The following ST6GALNAC6 variants were observed in gnomAD, a reference collection of about 807,000 sequenced individuals.
ST6GALNAC6 encodes the protein ST6 N-acetylgalactosaminide alpha-2,6-sialyltransferase 6.
Under a neutral mutation model 34.3 loss-of-function variants are expected in ST6GALNAC6, and 19 were observed. The ratio of observed to expected loss-of-function variants is 0.55; its 90% CI spans 0.39 to 0.81. The LOEUF (loss-of-function observed/expected upper bound fraction) is 0.81. Among genes scored for constraint, ST6GALNAC6 ranks in the 40% least tolerant of loss-of-function variants. The pLI is 0.00. For missense variants in ST6GALNAC6, 377 were observed against 467.7 expected (o/e 0.81, Z 1.79); for synonymous variants, 185 against 182.1 (o/e 1.02, Z -0.13).
chr9:127,889,657 C>G (rs1382245344), intron 5 of ST6GALNAC6, among the ~76,000 whole-genome samples: 4 of 151,926 alleles, frequency 2.6e-5, no homozygotes, highest in Non-Finnish European at 4.4e-5. Context: ...GCTGGCCAGG[C>G]TGGTCTCAAA....
In ST6GALNAC6 at chr9:127,886,484, T is replaced by C. The variant is rs764219388; in HGVS notation, c.*115A>G. ...GGATACATCCTCCTCAAGGCCCTGATTGGCTGGGAGACACTCCAGCAAGCC... is the reference window on the plus strand; with the variant it reads ...GGATACATCCTCCTCAAGGCCCTGACTGGCTGGGAGACACTCCAGCAAGCC... On this transcript the variant is annotated 3_prime_UTR_variant, in exon 7 of 7. Transcript: ENST00000373146. The C allele has an allele frequency of 1.3e-6, 2 of 1,490,738 alleles. No homozygotes were observed. The highest frequency in any genetic ancestry group is 1.8e-6 in the Non-Finnish European group (2 of 1,120,126). The allele number at this position is 1,490,738 out of a possible 1,614,324, so 92.3% of individuals were successfully genotyped here. A position where few individuals can be genotyped will look rare whatever the true frequency, so the allele number is the denominator to read the frequency against.
rs1362305985 is a variant in ST6GALNAC6, at chr9:127,894,702, G to A, written c.118-11C>T. 6.2e-7 allele frequency: 1 copy of A among 1,611,266 alleles called. No individual in the cohort carries two copies. The highest frequency in any genetic ancestry group is 1.3e-5 in the African/African-American group (1 of 74,550). On this transcript the variant is annotated splice_polypyrimidine_tract_variant and intron_variant, in intron 3 of 6. Coordinates refer to ENST00000373146, the MANE Select transcript of ST6GALNAC6 (RefSeq NM_013443.5). ...TGCTGACCGCTGCTCCTGGAGAGAG[G>A]AGAGGTCAGTGAGGGCCCAGCTGCC...
In ST6GALNAC6 at chr9:127,885,915, G is replaced by T. The variant is rs1282158836; in HGVS notation, c.*684C>A. 1 of 152,356 alleles carries T rather than the reference G, an allele frequency of 6.6e-6. No homozygotes were observed. Among genetic ancestry groups the T allele is most frequent in the East Asian group, 1.9e-4 (1 of 5,196 alleles). 9.4% of individuals were successfully genotyped at this position (152,356 alleles called of 1,614,324 possible). A position where few individuals can be genotyped will look rare whatever the true frequency, so the allele number is the denominator to read the frequency against. On this transcript the variant is annotated 3_prime_UTR_variant, in exon 7 of 7. Transcript: ENST00000373146. Reference sequence around the variant, plus strand: ...CCAGCAAGGGATAGTGGCTGGGAGGGTCCAGACGGGGAGGACAGACCCGAG... The same window carrying T: ...CCAGCAAGGGATAGTGGCTGGGAGGTTCCAGACGGGGAGGACAGACCCGAG...
At chr9:127,901,522 C>T (rs1027578372), upstream of ST6GALNAC6, among the ~76,000 whole-genome samples, 80 of 152,128 alleles carry the variant, frequency 5.3e-4, no homozygotes, top group African/African-American at 1.9e-3. Flanking sequence ...GCAGGAGAAT[C>T]GCTTGAACCT....
intron 2 of ST6GALNAC6, chr9:127,896,936 T>G (rs1292175590): frequency 1.0e-6 from 1 of 985,100 alleles, no homozygotes; most frequent in Non-Finnish European, 1.2e-6. Context: ...GGAATATCGC[T>G]GAATGAATTA....
At chr9:127,900,560 C>CAAA (rs71380101), upstream of ST6GALNAC6, among the ~76,000 whole-genome samples, 1,419 of 44,162 alleles carry the variant, frequency 0.032, 305 homozygotes, top group South Asian at 0.11. Flanking sequence ...AACTCCGTCT[C>CAAA]AAAAAAAAAA....
At chr9:127,897,930 G>A (rs1201614593) in intron 2 of ST6GALNAC6, 26 bp downstream of exon 2, 2 of 1,613,490 alleles carry the variant, frequency 1.2e-6, no homozygotes, top group Non-Finnish European at 1.7e-6. Context: ...TCAGCTGCCA[G>A]TGCGAATCCC....
At chr9:127,906,177 C>A (rs996676384), upstream of ST6GALNAC6, 2 of 215,086 alleles carry the variant, frequency 9.3e-6, no homozygotes, top group African/African-American at 4.7e-5. Context: ...TCACCCAGAG[C>A]CCCCGGGACT....
In ST6GALNAC6 at chr9:127,899,597, A is replaced by C. The variant is rs1830675546; in HGVS notation, c.-124T>G. The C allele has an allele frequency of 2.0e-6, 2 of 981,428 alleles. No individual in the cohort carries two copies. Among genetic ancestry groups the C allele is most frequent in the African/African-American group, 3.5e-5 (2 of 56,770 alleles). 60.8% of individuals were successfully genotyped at this position (981,428 alleles called of 1,614,324 possible). ...GGGGTCCGCGCTCCTCAGGCCGCCC[A>C]GGCCTCGCCGCACCCGCGGCCCGCC... On this transcript the variant is annotated 5_prime_UTR_variant, in exon 1 of 7. Transcript: ENST00000373146.
rs762341578 is a variant in ST6GALNAC6, at chr9:127,887,585, C to T, written c.711G>A (p.Lys237=). The change falls in exon 6 of 7, where the codon AAG becomes AAA. Residue 237 remains lysine, a synonymous_variant. Coordinates refer to ENST00000373146, the MANE Select transcript of ST6GALNAC6 (RefSeq NM_013443.5). ...FRGETGKDRE[K]SHSWLSTGWF... Reference sequence around the variant, plus strand: ...AGCCTGTGCTCAACCACGAATGAGACTTCTCCCTGGGGATGGAGAGGGGTC... The same window carrying T: ...AGCCTGTGCTCAACCACGAATGAGATTTCTCCCTGGGGATGGAGAGGGGTC... The T allele has an allele frequency of 1.9e-6, 3 of 1,609,844 alleles. No individual in the cohort carries two copies. The highest frequency in any genetic ancestry group is 1.7e-6 in the Non-Finnish European group (2 of 1,177,648).
chr9:127,897,774 G>T, intron 2 of ST6GALNAC6, 182 bp downstream of exon 2: 1 of 1,427,646 alleles, frequency 7.0e-7, no homozygotes, highest in Non-Finnish European at 9.3e-7. Context: ...ATCTTACTAC[G>T]CGTGGCCACC....
upstream of ST6GALNAC6, among the ~76,000 whole-genome samples, chr9:127,905,613 G>A (rs114364347): frequency 0.013 from 1,995 of 152,266 alleles, 53 homozygotes; most frequent in African/African-American, 0.045. Flanking sequence ...CAATGGGGCA[G>A]GGGCTTCCTG....
At chr9:127,898,947 C>T (rs1010368033) in intron 1 of ST6GALNAC6, among the ~76,000 whole-genome samples, 5 of 152,200 alleles carry the variant, frequency 3.3e-5, no homozygotes, top group African/African-American at 1.2e-4. Context: ...GGACTCAGCC[C>T]AAGGCTGGAC....
chr9:127,905,270 A>G, exon 1 of ST6GALNAC6: 1 of 985,562 alleles, frequency 1.0e-6, no homozygotes, highest in Non-Finnish European at 1.2e-6. Context: ...TGATCAAGAC[A>G]GCCTTCAGTA....
At chr9:127,900,517 G>GC (rs1830709916), upstream of ST6GALNAC6, among the ~76,000 whole-genome samples, 1 of 117,024 alleles carries the variant, frequency 8.5e-6, no homozygotes, top group Admixed American at 1.3e-4. Flanking sequence ...CCGAGATCAC[G>GC]CCATTGCACT....
intron 5 of ST6GALNAC6, among the ~76,000 whole-genome samples, chr9:127,887,981 A>G (rs1829885916): frequency 6.6e-6 from 1 of 152,226 alleles, no homozygotes; most frequent in African/African-American, 2.4e-5. Flanking sequence ...TGCTGGAGTG[A>G]CTGCAGTTCA....
intron 1 of ST6GALNAC6, 54 bp downstream of exon 1, chr9:127,899,449 G>GCCCCCCCCACCCCCC: frequency 1.8e-6 from 1 of 563,144 alleles, no homozygotes; most frequent in Non-Finnish European, 2.2e-6. Context: ...CTCCGCCCCA[G>GCCCCCCCCACCCCCC]CCCCCGCCTC....
upstream of ST6GALNAC6, among the ~76,000 whole-genome samples, chr9:127,906,493 C>T (rs903525482): frequency 2.0e-5 from 3 of 152,150 alleles, no homozygotes; most frequent in Admixed American, 6.5e-5. Flanking sequence ...CTCAGGTCCT[C>T]GGGCTCAGCT....
At chr9:127,891,924 G>A (rs2131513047) in intron 4 of ST6GALNAC6, among the ~76,000 whole-genome samples, 1 of 152,110 alleles carries the variant, frequency 6.6e-6, no homozygotes, top group East Asian at 1.9e-4. Flanking sequence ...GGCTGAGGTG[G>A]GCGGATCACC....
Sources: allele counts gnomAD v4.1 joint callset (sites outside exome capture counted in the v4.1 genomes callset), GRCh38; gene constraint gnomAD v4.1.1; transcripts MANE v1.5; gene names NCBI Gene and HGNC (gene_info 2026-07-23, HGNC 2026-07-21).